CABP4: variants seen among roughly 807,000 people sequenced by gnomAD.
CABP4 encodes calcium binding protein 4.
In CABP4, 30 loss-of-function variants were observed where a neutral mutation model predicts 30.7. The observed-to-expected ratio is 0.98, with a 90% CI of 0.73 to 1.33. The LOEUF is 1.33. CABP4 is among the 40% of genes most tolerant of loss of function. The probability of loss-of-function intolerance (pLI) is 0.00; values close to 1 mark genes in which losing one functional copy is unlikely to be tolerated. For synonymous variants in CABP4, 161 were observed against 159.2 expected, an observed-to-expected ratio of 1.01 and a Z score of -0.08; for missense variants, 424 against 395.5, an observed-to-expected ratio of 1.07 and a Z score of -0.61.
intron 3 of CABP4, 58 bp downstream of exon 3, chr11:67,456,500 G>C (rs775145804): frequency 8.8e-5 from 140 of 1,593,272 alleles, no homozygotes; most frequent in Non-Finnish European, 1.2e-4. Flanking sequence ...GTCACGAGGG[G>C]CTGGCAGGAG....
chr11:67,457,765 G>T, intron 4 of CABP4, 83 bp downstream of exon 4: 1 of 1,175,624 alleles, frequency 8.5e-7, no homozygotes, highest in Admixed American at 2.0e-5. Flanking sequence ...TCAGCCTTGG[G>T]AAGGCCTAGA....
upstream of CABP4, among the ~76,000 whole-genome samples, chr11:67,454,228 C>A (rs1864674717): frequency 6.6e-6 from 1 of 152,158 alleles, no homozygotes. Context: ...CTCGCCCTTC[C>A]CCGCTGGCAG....
Position 67,455,635 on chromosome 11 carries a change from A to G in CABP4, c.212A>G (p.Asn71Ser), listed in dbSNP as rs752024956. The G allele has an allele frequency of 8.1e-6, 13 of 1,609,954 alleles. No individual in the cohort carries two copies. The highest frequency in any genetic ancestry group is 1.7e-4 in the Middle Eastern group (1 of 6,056). Reference protein sequence around the residue: ...QTGPEAPGSSNNPPSTGEGPA... With the variant: ...QTGPEAPGSSSNPPSTGEGPA... ...GGCCCCGAGGCCCCGGGGAGCAGCA[A>G]TAACCCTCCCAGCACTGGAGAGGGG... Residue 71 changes from asparagine to serine, a missense_variant, in exon 1 of 6, where the codon AAT becomes AGT. Transcript: ENST00000325656.
In CABP4 at chr11:67,455,612, C is replaced by A. The variant is rs984841482; in HGVS notation, c.189C>A (p.Gly63=). ...CTGGCAGCTCTGGGGAGCAGACAGG[C>A]CCCGAGGCCCCGGGGAGCAGCAATA... is the stretch of plus-strand genomic sequence containing the variant. ...KRTGSSGEQT[G]PEAPGSSNNP... The change falls in exon 1 of 6, where the codon GGC becomes GGA. Residue 63 remains glycine (G), a synonymous_variant. Transcript: ENST00000325656. The A allele has an allele frequency of 6.2e-7, 1 of 1,606,958 alleles. No individual in the cohort carries two copies. The highest frequency in any genetic ancestry group is 8.5e-7 in the Non-Finnish European group (1 of 1,177,964).
At position 67,458,685 on chromosome 11, in the gene CABP4, C is replaced by G; in HGVS notation, c.*26C>G. On this transcript the variant is annotated 3_prime_UTR_variant, in exon 6 of 6. Transcript: ENST00000325656. ...GGCTCCAGGAGGGAATATCTGTTGC[C>G]CCTGCGGCCCCAGACACCAGCCAGA... 1 of 1,613,576 alleles carries G rather than the reference C, an allele frequency of 6.2e-7. No individual in the cohort carries two copies. Among genetic ancestry groups the G allele is most frequent in the Non-Finnish European group, 8.5e-7 (1 of 1,179,988 alleles).
chr11:67,458,712 C>T lies in CABP4; in HGVS notation c.*53C>T. On this transcript the variant is annotated 3_prime_UTR_variant, in exon 6 of 6. Transcript: ENST00000325656. ...CTGCGGCCCCAGACACCAGCCAGACCCAGGCTGCAGGCCTCCCCCAGGAGC... is the reference window on the plus strand; with the variant it reads ...CTGCGGCCCCAGACACCAGCCAGACTCAGGCTGCAGGCCTCCCCCAGGAGC... 1.2e-6 allele frequency: 2 copies of T among 1,608,892 alleles called. No individual in the cohort carries two copies. The highest frequency in any genetic ancestry group is 4.5e-5 in the East Asian group (2 of 44,856).
upstream of CABP4, chr11:67,453,781 G>A (rs1411272723): frequency 6.6e-6 from 1 of 151,998 alleles, no homozygotes; most frequent in African/African-American, 2.4e-5. Flanking sequence ...ACAGTTTGAA[G>A]ACCGTTTGGT....
chr11:67,456,570 G>A, intron 3 of CABP4, 128 bp downstream of exon 3: 1 of 1,217,766 alleles, frequency 8.2e-7, no homozygotes, highest in Non-Finnish European at 1.2e-6. Context: ...CGGTTTCCAG[G>A]CAGGGGCACC....
chr11:67,452,463 T>A, upstream of CABP4: 2 of 1,612,200 alleles, frequency 1.2e-6, no homozygotes, highest in Non-Finnish European at 1.7e-6. Context: ...ATCTCTAGGA[T>A]CTGGAAGGCC....
rs753408515 is a variant in CABP4, at chr11:67,458,430, T to C, written c.711T>C (p.Ala237=). The C allele has an allele frequency of 1.9e-6, 3 of 1,613,840 alleles. No homozygotes were observed. Among genetic ancestry groups the C allele is most frequent in the Non-Finnish European group, 2.5e-6 (3 of 1,179,934 alleles). The change falls in exon 5 of 6, where the codon GCT becomes GCC. Residue 237 remains alanine (A), a synonymous_variant. Transcript: ENST00000325656. ...TVAELREAVP[A]LLGEPLAGPE... is the part of the protein sequence containing the mutation. ...CGGAGCTGCGGGAGGCGGTACCGGC[T>C]CTGCTCGGGGAGCCGCTGGCGGGTC...
rs570209950 is a variant in CABP4 at position 67,460,663 on chromosome 11, G to T, written c.*2004G>T. Among the ~76,000 whole-genome samples, 15 of 151,978 alleles carry T rather than the reference G, an allele frequency of 9.9e-5. No individual in the cohort carries two copies. Among genetic ancestry groups the T allele is most frequent in the Non-Finnish European group, 1.9e-4 (13 of 68,002 alleles). ...ATAATGTAACACTGAGAGACAAAAG[G>T]ATGGAAAATATTACAGGGTAGTTAA... is the stretch of plus-strand genomic sequence containing the variant. On this transcript the variant is annotated 3_prime_UTR_variant, in exon 6 of 6. Coordinates refer to ENST00000325656, the MANE Select transcript of CABP4 (RefSeq NM_145200.5).
chr11:67,459,464 T>C lies in CABP4; in HGVS notation c.*805T>C, dbSNP rs541706301. On this transcript the variant is annotated 3_prime_UTR_variant, in exon 6 of 6. Transcript: ENST00000325656. ...TCCAGGGTCTCCAAAGGCTAAGATA[T>C]TAATCTGTCTGCACTGACCAGTCAT... The C allele has an allele frequency of 4.8e-4, 74 of 152,690 alleles. No homozygotes were observed. The highest frequency in any genetic ancestry group is 1.7e-3 in the African/African-American group (70 of 41,574). The allele number at this position is 152,690 out of a possible 1,614,324, so 9.5% of individuals were successfully genotyped here.
Position 67,460,535 on chromosome 11 carries a change from A to T in CABP4, c.*1876A>T, listed in dbSNP as rs1359572577. 6.8e-6 allele frequency among the ~76,000 whole-genome samples: 1 copy of T among 146,432 alleles called. No individual in the cohort carries two copies. Among genetic ancestry groups the T allele is most frequent in the African/African-American group, 2.8e-5 (1 of 36,188 alleles). On this transcript the variant is annotated 3_prime_UTR_variant, in exon 6 of 6. Coordinates refer to ENST00000325656, the MANE Select transcript of CABP4 (RefSeq NM_145200.5). The stretch of plus-strand genomic sequence containing the variant: ...TATATATACACACACACACACACAC[A>T]CACACACAGCCATTGGAATGAAAAA...
intron 4 of CABP4, 84 bp downstream of exon 4, chr11:67,457,766 AAGGCCTAGAGCCCTGC>A: frequency 8.5e-7 from 1 of 1,176,032 alleles, no homozygotes; most frequent in Non-Finnish European, 1.2e-6. Context: ...CAGCCTTGGG[AAGGCCTAGAGCCCTGC>A]AGGCGGTGGG....
At position 67,460,643 on chromosome 11, in the gene CABP4, GT is replaced by G. The variant is rs1864983882; in HGVS notation, c.*1985del. The stretch of plus-strand genomic sequence containing the variant: ...CTATATCTAAGAAATCACTTATAAT[GT>G]AACACTGAGAGACAAAAGGATGGAA... On this transcript the variant is annotated 3_prime_UTR_variant, in exon 6 of 6. Transcript: ENST00000325656. Among the ~76,000 whole-genome samples the G allele has an allele frequency of 6.6e-6, 1 of 151,978 alleles. No homozygotes were observed. The highest frequency in any genetic ancestry group is 1.5e-5 in the Non-Finnish European group (1 of 68,006).
At position 67,455,548 on chromosome 11, in the gene CABP4, G is replaced by C; in HGVS notation, c.125G>C (p.Ser42Thr). The change falls in exon 1 of 6, where the codon AGC becomes ACC. Residue 42 changes from serine (S) to threonine (T), a missense_variant. Physicochemically the swap from Ser to Thr is moderately conservative, Grantham distance 58. Transcript: ENST00000325656. ...GAGCCCCCGTTGACCAGGAAGAGGA[G>C]CAAGAAGGAGAGGGGGCTCCGAGGG... ...AEEPPLTRKR[S>T]KKERGLRGSR... 1 of 1,603,064 alleles carries C rather than the reference G, an allele frequency of 6.2e-7. No individual in the cohort carries two copies. Among genetic ancestry groups the C allele is most frequent in the Non-Finnish European group, 8.5e-7 (1 of 1,176,042 alleles).
rs1040070182 is a variant in CABP4, at chr11:67,455,364, G to A, written c.-60G>A. On this transcript the variant is annotated 5_prime_UTR_variant, in exon 1 of 6. Transcript: ENST00000325656. ...TGGGGGTGCATAAGCAGCTTTATGG[G>A]TCCTGAAAGCCAAGGGTGCCCAGGG... is the stretch of plus-strand genomic sequence containing the variant. 1.3e-6 allele frequency: 2 copies of A among 1,551,854 alleles called. No homozygotes were observed. Among genetic ancestry groups the A allele is most frequent in the Non-Finnish European group, 1.7e-6 (2 of 1,152,534 alleles).
upstream of CABP4, chr11:67,452,503 G>A: frequency 1.2e-6 from 2 of 1,610,656 alleles, no homozygotes; most frequent in Non-Finnish European, 8.5e-7. Flanking sequence ...AGTCAGAGAG[G>A]GCCAGGCTGA....
At position 67,458,393 on chromosome 11, in the gene CABP4, G is replaced by A. The variant is rs200848734; in HGVS notation, c.674G>A (p.Arg225Gln). 1.2e-4 allele frequency: 199 copies of A among 1,612,688 alleles called. No homozygotes were observed. Among genetic ancestry groups the A allele is most frequent in the Middle Eastern group, 1.2e-3 (7 of 6,012 alleles). ...FREFDRDRDG[R>Q]ITVAELREAV... ...TAGTTTGACAGGGACAGGGATGGAC[G>A]AATTACGGTGGCGGAGCTGCGGGAG... Residue 225 changes from arginine (R) to glutamine (Q), a missense_variant, in exon 5 of 6, where the codon CGA (arginine) becomes CAA (glutamine). Physicochemically the swap from Arg to Gln is conservative, Grantham distance 43. Coordinates refer to ENST00000325656, the MANE Select transcript of CABP4 (RefSeq NM_145200.5).
Sources: allele counts gnomAD v4.1 joint callset (sites outside exome capture counted in the v4.1 genomes callset), GRCh38; gene constraint gnomAD v4.1.1; transcripts MANE v1.5; gene names NCBI Gene and HGNC (gene_info 2026-07-23, HGNC 2026-07-21).